Variants in TRHDE observed in about 807,000 individuals in gnomAD.
The protein encoded by TRHDE is thyrotropin releasing hormone degrading enzyme.
Under a neutral mutation model 125.7 loss-of-function variants are expected in TRHDE, and 72 were observed. The observed-to-expected ratio is 0.57, with a 90% CI of 0.47 to 0.70. The LOEUF is 0.70. Among genes scored for constraint, TRHDE ranks in the 30% least tolerant of loss-of-function variants. TRHDE has a pLI of 0.00. For missense variants in TRHDE, 1,110 were observed against 1,327.1 expected (o/e 0.84, Z 2.54); for synonymous variants, 509 against 509.1 (o/e 1.00, Z 0.00).
At position 72,378,134 on chromosome 12, in the gene TRHDE, T is replaced by A; in HGVS notation, c.1315+13T>A. On this transcript the variant is annotated intron_variant, in intron 3 of 18. Coordinates refer to ENST00000261180, the MANE Select transcript of TRHDE (RefSeq NM_013381.3). ...TTGCCAAAACTAGGTAAGAATTTTCTTGGTTATTTTATTGGAAGGGCTCCT... is the reference window on the plus strand; with the variant it reads ...TTGCCAAAACTAGGTAAGAATTTTCATGGTTATTTTATTGGAAGGGCTCCT... The A allele has an allele frequency of 6.4e-7, 1 of 1,571,556 alleles. No homozygotes were observed. Among genetic ancestry groups the A allele is most frequent in the East Asian group, 2.3e-5 (1 of 44,206 alleles).
In TRHDE at chr12:72,190,366, T is replaced by C. The variant is rs966560312; in HGVS notation, n.279+84614T>C. 3.5e-4 allele frequency among the ~76,000 whole-genome samples: 54 copies of C among 152,168 alleles called. 1 individual carries two copies. Among genetic ancestry groups the C allele is most frequent in the African/African-American group, 1.3e-3 (52 of 41,426 alleles). Reference sequence around the variant, plus strand: ...TGGGCAGTGCACAGATGCCCTGCTGTAGCATTTTAACCCAGGGAGGAGGTG... The same window carrying C: ...TGGGCAGTGCACAGATGCCCTGCTGCAGCATTTTAACCCAGGGAGGAGGTG... On this transcript the variant is annotated intron_variant and non_coding_transcript_variant, in intron 2 of 4. Coordinates refer to the TRHDE transcript ENST00000548156.
At chr12:72,422,783 T>C (rs774613767) in intron 3 of TRHDE, among the ~76,000 whole-genome samples, 6 of 152,106 alleles carry the variant, frequency 3.9e-5, no homozygotes, top group Non-Finnish European at 7.4e-5. Flanking sequence ...AATGTGACCA[T>C]GTTTTTGAAT....
At chr12:72,122,092 G>T (rs1391051448) in intron 2 of TRHDE, among the ~76,000 whole-genome samples, 2 of 152,022 alleles carry the variant, frequency 1.3e-5, no homozygotes, top group East Asian at 1.9e-4. Flanking sequence ...AGAAATGAGG[G>T]TTCTAGTTTG....
intron 1 of TRHDE, among the ~76,000 whole-genome samples, chr12:72,097,186 G>A (rs1874945495): frequency 6.6e-6 from 1 of 152,114 alleles, no homozygotes; most frequent in Non-Finnish European, 1.5e-5. Flanking sequence ...CATCATCCTT[G>A]TCCAATTTGA....
At chr12:72,146,781 A>C (rs887955150) in intron 2 of TRHDE, among the ~76,000 whole-genome samples, 3 of 152,240 alleles carry the variant, frequency 2.0e-5, no homozygotes, top group African/African-American at 7.2e-5. Context: ...TTGCAAGGGC[A>C]GAGGGCCGGT....
intron 3 of TRHDE, among the ~76,000 whole-genome samples, chr12:72,390,301 C>G (rs888356656): frequency 3.3e-5 from 5 of 152,082 alleles, no homozygotes; most frequent in Non-Finnish European, 5.9e-5. Context: ...GAGTTGCTTC[C>G]TTCACTGGCT....
chr12:72,176,429 G>C (rs1876989607), intron 2 of TRHDE, among the ~76,000 whole-genome samples: 1 of 152,156 alleles, frequency 6.6e-6, no homozygotes, highest in Non-Finnish European at 1.5e-5. Context: ...GACCCTAAAG[G>C]AGGTGACAGC....
chr12:72,234,003 A>G (rs1385276759), intron 2 of TRHDE, among the ~76,000 whole-genome samples: 2 of 152,348 alleles, frequency 1.3e-5, no homozygotes, highest in East Asian at 1.9e-4. Flanking sequence ...CTACTTGTAC[A>G]TAACAGGAGA....
chr12:72,224,150 GTATGTATGTATGTATGTATC>G (rs1461563661), intron 2 of TRHDE, among the ~76,000 whole-genome samples: 31,045 of 86,174 alleles, frequency 0.36, 3,808 homozygotes, highest in Admixed American at 0.4. Context: ...ATTTATCTAT[GTATGTATGTATGTATGTATC>G]TATCTATCTA....
At chr12:72,637,763 C>G (rs973584560) in intron 15 of TRHDE, among the ~76,000 whole-genome samples, 3 of 151,988 alleles carry the variant, frequency 2.0e-5, no homozygotes, top group African/African-American at 7.3e-5. Context: ...TGTTATGTAC[C>G]CAGTAGTCAT....
At chr12:72,252,725 C>A (rs1372433918) in intron 2 of TRHDE, among the ~76,000 whole-genome samples, 1 of 152,080 alleles carries the variant, frequency 6.6e-6, no homozygotes, top group Non-Finnish European at 1.5e-5. Flanking sequence ...TACTTTGAGG[C>A]AAATTGACAT....
chr12:72,153,280 T>C (rs2139322793), intron 2 of TRHDE, among the ~76,000 whole-genome samples: 1 of 152,336 alleles, frequency 6.6e-6, no homozygotes, highest in East Asian at 1.9e-4. Context: ...ATTTGATTCT[T>C]CTCTCTTTTC....
At chr12:72,598,041 ACTCTTGC>A (rs1872052173) in intron 12 of TRHDE, among the ~76,000 whole-genome samples, 2 of 151,716 alleles carry the variant, frequency 1.3e-5, no homozygotes, top group Non-Finnish European at 2.9e-5. Flanking sequence ...AATTTAACCA[ACTCTTGC>A]CTGAACAAAT....
At chr12:72,217,773 T>C (rs1877923372) in intron 2 of TRHDE, among the ~76,000 whole-genome samples, 1 of 152,060 alleles carries the variant, frequency 6.6e-6, no homozygotes, top group Non-Finnish European at 1.5e-5. Flanking sequence ...AAACATAGGC[T>C]TAAATGTCAG....
At chr12:72,151,224 T>G (rs1351186128) in intron 2 of TRHDE, among the ~76,000 whole-genome samples, 2 of 152,250 alleles carry the variant, frequency 1.3e-5, no homozygotes, top group African/African-American at 2.4e-5. Context: ...TTCATATCCT[T>G]CACCCACTTT....
chr12:72,427,441 C>T (rs1429029333), intron 3 of TRHDE, among the ~76,000 whole-genome samples: 2 of 151,966 alleles, frequency 1.3e-5, no homozygotes, highest in Non-Finnish European at 2.9e-5. Context: ...GTATGATTTC[C>T]TTTTAGCTCA....
chr12:72,143,299 G>A (rs1207805191), intron 2 of TRHDE, among the ~76,000 whole-genome samples: 1 of 152,056 alleles, frequency 6.6e-6, no homozygotes, highest in Non-Finnish European at 1.5e-5. Flanking sequence ...CCATTTCAAC[G>A]GTGTTAGGAA....
At chr12:72,096,167 A>ACACACT (rs71071816) in intron 1 of TRHDE, among the ~76,000 whole-genome samples, 1 of 151,600 alleles carries the variant, frequency 6.6e-6, no homozygotes, top group East Asian at 1.9e-4. Context: ...ACACACACAC[A>ACACACT]TATCCTATTG....
At chr12:72,542,157 T>G in intron 6 of TRHDE, 134 bp from the exon 7 acceptor site, 3 of 553,772 alleles carry the variant, frequency 5.4e-6, no homozygotes, top group Admixed American at 7.9e-5. Context: ...GATGTTGTTT[T>G]CATGATACTG....
Sources: gnomAD v4.1 joint callset for allele counts (sites outside exome capture counted in the v4.1 genomes callset) on GRCh38, gnomAD v4.1.1 for gene constraint, MANE v1.5 for transcripts, NCBI Gene and HGNC (gene_info 2026-07-23, HGNC 2026-07-21) for gene names.